USP45: variants seen among roughly 807,000 people sequenced by gnomAD.
USP45 encodes the protein ubiquitin specific peptidase 45.
USP45 carries 89 observed loss-of-function variants against 95.8 expected under a neutral mutation model. The ratio of observed to expected loss-of-function variants is 0.93; its 90% CI spans 0.78 to 1.11. The LOEUF (loss-of-function observed/expected upper bound fraction) is 1.11, where lower values mean the gene tolerates loss of function less well. USP45 is among the 50% of genes least tolerant of loss of function. USP45 has a pLI of 0.00. For missense variants in USP45, 898 were observed against 942.5 expected (o/e 0.95, Z 0.62); for synonymous variants, 281 against 316.2 (o/e 0.89, Z 1.18).
At chr6:99,507,558 T>G in intron 3 of USP45, 27 bp from the exon 4 acceptor site, 1 of 1,421,954 alleles carries the variant, frequency 7.0e-7, no homozygotes, top group Non-Finnish European at 9.9e-7. Flanking sequence ...TTTTATTTTG[T>G]ATGACTTACA....
intron 1 of USP45, among the ~76,000 whole-genome samples, chr6:99,511,845 G>GTGTATATATA (rs1373324266): frequency 4.4e-5 from 1 of 22,808 alleles, no homozygotes; most frequent in Non-Finnish European, 6.2e-5. Context: ...GTGAGTGTGT[G>GTGTATATATA]TATATATATA....
intron 8 of USP45, among the ~76,000 whole-genome samples, chr6:99,478,670 C>T (rs979266172): frequency 1.4e-4 from 21 of 152,224 alleles, no homozygotes; most frequent in Admixed American, 1.4e-3. Context: ...GAATACTACA[C>T]AGCCATAAAA....
Position 99,445,888 on chromosome 6 carries a change from T to G in USP45, c.1884A>C (p.Thr628=), listed in dbSNP as rs1372239800. 1 of 1,613,680 alleles carries G rather than the reference T, an allele frequency of 6.2e-7. No homozygotes were observed. Among genetic ancestry groups the G allele is most frequent in the Non-Finnish European group, 8.5e-7 (1 of 1,179,932 alleles). ...TATTCCCCATTAGTAATTCCATAGA[T>G]GTAAACTGGTAGAGACAGGACTGAA... is the stretch of plus-strand genomic sequence containing the variant. The part of the protein sequence containing the change: ...CSIQSCLYQF[T]SMELLMGNNK... Residue 628 remains threonine, a synonymous_variant, in exon 14 of 18, where the codon ACA becomes ACC. Transcript: ENST00000500704.
chr6:99,508,306 T>A (rs1798984359), intron 3 of USP45, among the ~76,000 whole-genome samples: 1 of 152,226 alleles, frequency 6.6e-6, no homozygotes, highest in South Asian at 2.1e-4. Flanking sequence ...AAAAAATTAA[T>A]CTGAAAGGTA....
intron 13 of USP45, among the ~76,000 whole-genome samples, chr6:99,446,954 G>C (rs1782674661): frequency 6.6e-6 from 1 of 152,136 alleles, no homozygotes; most frequent in Non-Finnish European, 1.5e-5. Context: ...ATGTTGCTTA[G>C]GCTGGTCTTG....
At position 99,508,729 on chromosome 6, in the gene USP45, T is replaced by G. The variant is rs1381293948; in HGVS notation, c.154A>C (p.Arg52=). The change falls in exon 3 of 18, where the codon AGA becomes CGA. Residue 52 remains arginine (R), a synonymous_variant. Coordinates refer to ENST00000500704, the MANE Select transcript of USP45 (RefSeq NM_001346022.3). The part of the protein sequence containing the change: ...SHAISVNHVK[R]AIAENLWSVC... ...GACCACAGATTCTCAGCTATTGCTC[T>G]CTTTACATGATTCACGCTGATAGCA... 1 of 1,613,746 alleles carries G rather than the reference T, an allele frequency of 6.2e-7. No homozygotes were observed. Among genetic ancestry groups the G allele is most frequent in the Admixed American group, 1.7e-5 (1 of 59,984 alleles).
chr6:99,477,848 T>C (rs942046834), intron 8 of USP45, among the ~76,000 whole-genome samples: 8 of 152,194 alleles, frequency 5.3e-5, no homozygotes, highest in Admixed American at 1.3e-4. Flanking sequence ...ACCCACCTCC[T>C]AGATTAGAGA....
intron 13 of USP45, chr6:99,462,633 ATGT>A (rs1472499902): frequency 4.1e-6 from 4 of 985,334 alleles, no homozygotes; most frequent in African/African-American, 1.7e-5. Context: ...TATAGAAAAC[ATGT>A]TGTCCTTTCT....
chr6:99,486,001 C>G (rs2128721394), intron 7 of USP45, among the ~76,000 whole-genome samples: 1 of 152,302 alleles, frequency 6.6e-6, no homozygotes, highest in Non-Finnish European at 1.5e-5. Context: ...AAGAACACCT[C>G]TGAAAATCGT....
intron 12 of USP45, 143 bp downstream of exon 12, chr6:99,464,937 A>T (rs1016145456): frequency 6.4e-6 from 6 of 939,500 alleles, no homozygotes. Flanking sequence ...CAAACCCCCA[A>T]ATCAGACTCA....
At chr6:99,458,164 C>T (rs9483924) in intron 13 of USP45, among the ~76,000 whole-genome samples, 3,930 of 152,216 alleles carry the variant, frequency 0.026, 192 homozygotes, top group African/African-American at 0.09. Context: ...GGATTACAGG[C>T]GTGTGCCACC....
At chr6:99,483,967 C>G (rs1005468556) in intron 7 of USP45, among the ~76,000 whole-genome samples, 1 of 147,832 alleles carries the variant, frequency 6.8e-6, no homozygotes, top group Non-Finnish European at 1.5e-5. Flanking sequence ...TAAAAATCCA[C>G]TATAATCACA....
At chr6:99,485,271 C>T (rs1322440817) in intron 7 of USP45, among the ~76,000 whole-genome samples, 4 of 151,698 alleles carry the variant, frequency 2.6e-5, no homozygotes, top group Admixed American at 6.6e-5. Flanking sequence ...CTTGAACCTA[C>T]GAGGCAGAGG....
intron 7 of USP45, among the ~76,000 whole-genome samples, chr6:99,483,303 T>C (rs542944331): frequency 6.6e-6 from 1 of 152,312 alleles, no homozygotes; most frequent in South Asian, 2.1e-4. Flanking sequence ...AATATTTTAC[T>C]AGTAAAGTAA....
intron 13 of USP45, among the ~76,000 whole-genome samples, chr6:99,463,679 A>T (rs1158236692): frequency 2.6e-5 from 4 of 151,246 alleles, no homozygotes; most frequent in Admixed American, 2.6e-4. Flanking sequence ...GGGTGTGGTG[A>T]CATGCGCCTG....
chr6:99,476,221 T>A lies in USP45; in HGVS notation c.855A>T (p.Arg285=). 1 of 1,613,956 alleles carries A rather than the reference T, an allele frequency of 6.2e-7. No individual in the cohort carries two copies. Among genetic ancestry groups the A allele is most frequent in the South Asian group, 1.1e-5 (1 of 91,072 alleles). ...LFNQLCQKAP[R]FKDFQQQDSQ... ...TGTCCTGTTGCTGGAAATCTTTAAA[T>A]CGAGGTGCCCTGTGATTTAAAAACA... is the stretch of plus-strand genomic sequence containing the variant. The change falls in exon 9 of 18, where the codon CGA becomes CGT. Residue 285 remains arginine (R), a synonymous_variant. Transcript: ENST00000500704.
intron 5 of USP45, among the ~76,000 whole-genome samples, chr6:99,499,227 T>C (rs1387239845): frequency 1.3e-5 from 2 of 152,328 alleles, no homozygotes; most frequent in East Asian, 1.9e-4. Flanking sequence ...TAACTATTTT[T>C]ACTTAGTACA....
Position 99,468,480 on chromosome 6 carries a change from A to C in USP45, c.1015+57T>G, listed in dbSNP as rs111709331. Reference sequence around the variant, plus strand: ...ATAATGTTCAGTTCTTTTTCCAACTAAAATAAAATTTTAATATTTTCTTAA... The same window carrying C: ...ATAATGTTCAGTTCTTTTTCCAACTCAAATAAAATTTTAATATTTTCTTAA... On this transcript the variant is annotated intron_variant, in intron 10 of 17. Coordinates refer to ENST00000500704, the MANE Select transcript of USP45 (RefSeq NM_001346022.3). 9.4e-4 allele frequency: 1,104 copies of C among 1,178,556 alleles called. 4 individuals are homozygous for C. The East Asian group carries it at 0.01, about 11-fold the overall frequency. 73.0% of individuals were successfully genotyped at this position (1,178,556 alleles called of 1,614,324 possible).
upstream of USP45, among the ~76,000 whole-genome samples, chr6:99,517,749 T>C (rs893464525): frequency 2.6e-5 from 4 of 151,954 alleles, no homozygotes; most frequent in African/African-American, 9.7e-5. Flanking sequence ...AGCTCCTTTT[T>C]ATCAAACACC....
Sources: allele counts gnomAD v4.1 joint callset (sites outside exome capture counted in the v4.1 genomes callset), GRCh38; gene constraint gnomAD v4.1.1; transcripts MANE v1.5; gene names NCBI Gene and HGNC (gene_info 2026-07-23, HGNC 2026-07-21).